The following SBK1 variants were observed in gnomAD, a reference collection of about 807,000 sequenced individuals.
SBK1 encodes SH3 domain binding kinase 1.
In SBK1, 11 loss-of-function variants were observed where a neutral mutation model predicts 24.4. The observed-to-expected ratio is 0.45, with a 90% CI of 0.28 to 0.75. The LOEUF (loss-of-function observed/expected upper bound fraction) is 0.75. Among genes scored for constraint, SBK1 ranks in the 30% least tolerant of loss-of-function variants. The pLI, the probability that SBK1 is intolerant of heterozygous loss-of-function variation, is 0.12. For synonymous variants in SBK1, 308 were observed against 284.4 expected (o/e 1.08, Z -0.83); for missense variants, 467 against 620.5 (o/e 0.75, Z 2.63).
At position 28,320,649 on chromosome 16, in the gene SBK1, G is replaced by T; in HGVS notation, c.1003G>T (p.Asp335Tyr). Residue 335 changes from aspartate to tyrosine, a missense_variant, in exon 4 of 4, where the codon GAC becomes TAC. This residue lies in a region of SBK1 where 166 missense variants were observed against 146.8 expected (regional missense o/e 1.13). Transcript: ENST00000341901. This position sits in a 1 kb window ranked among gnomAD's most constrained non-coding sequence, Gnocchi z 8.5. ...PSHRARKPPG[D>Y]RPPAAGPLRL... ...GCACCGCGCGCGCAAGCCCCCCGGGGACCGCCCGCCCGCCGCCGGGCCACT... is the reference window on the plus strand; with the variant it reads ...GCACCGCGCGCGCAAGCCCCCCGGGTACCGCCCGCCCGCCGCCGGGCCACT... The T allele has an allele frequency of 8.7e-7, 1 of 1,147,192 alleles. No individual in the cohort carries two copies. Among genetic ancestry groups the T allele is most frequent in the South Asian group, 3.9e-5 (1 of 25,728 alleles). 71.1% of individuals were successfully genotyped at this position (1,147,192 alleles called of 1,614,324 possible). A position where few individuals can be genotyped will look rare whatever the true frequency, so the allele number is the denominator to read the frequency against.
At chr16:28,272,488 T>C (rs1010431755) in intron 1 of SBK1, among the ~76,000 whole-genome samples, 2 of 152,204 alleles carry the variant, frequency 1.3e-5, no homozygotes, top group Non-Finnish European at 2.9e-5. Flanking sequence ...ATCTAGGAAT[T>C]AGACTTCTTT....
chr16:28,280,286 TAC>T (rs2044525521), intron 1 of SBK1, among the ~76,000 whole-genome samples: 1 of 144,274 alleles, frequency 6.9e-6, no homozygotes, highest in African/African-American at 2.5e-5. Context: ...TACATATGTA[TAC>T]ATATATATGC....
intron 1 of SBK1, among the ~76,000 whole-genome samples, chr16:28,276,013 C>T (rs999238682): frequency 1.3e-5 from 2 of 152,148 alleles, no homozygotes; most frequent in Admixed American, 6.5e-5. Flanking sequence ...CCCTGTAGCC[C>T]CTCAGGGGAA....
At chr16:28,293,334 G>A in intron 1 of SBK1, 34 bp downstream of exon 1, 1 of 967,418 alleles carries the variant, frequency 1.0e-6, no homozygotes, top group Non-Finnish European at 1.2e-6. Flanking sequence ...CGGCAGGTGA[G>A]TGGCCACCGA....
At chr16:28,296,170 C>T (rs189488312) in intron 1 of SBK1, among the ~76,000 whole-genome samples, 51 of 151,054 alleles carry the variant, frequency 3.4e-4, no homozygotes, top group African/African-American at 1.2e-3. Context: ...TCTCGGCTCG[C>T]TGCGACCTCC....
chr16:28,308,995 T>C (rs1355056053), intron 1 of SBK1, among the ~76,000 whole-genome samples: 3 of 151,860 alleles, frequency 2.0e-5, no homozygotes, highest in African/African-American at 4.8e-5. Flanking sequence ...TGAATTGGGG[T>C]AGTGCCAGCT....
In SBK1 at chr16:28,259,555, AC is replaced by A; in HGVS notation, c.257+56del. On this transcript the variant is annotated intron_variant, in intron 1 of 3. Transcript: ENST00000671413. This position sits in a 1 kb window ranked among gnomAD's most constrained non-coding sequence, Gnocchi z 6.0. ...GGGCAGCAGGTGGGCACAGCGCTCG[AC>A]CCAGGGTGCCTGTGGGCCTGGCAGT... The A allele has an allele frequency of 1.8e-6, 1 of 568,228 alleles. No individual in the cohort carries two copies. 35.2% of individuals were successfully genotyped at this position (568,228 alleles called of 1,614,324 possible).
At chr16:28,268,554 G>C (rs1346430793) in intron 1 of SBK1, among the ~76,000 whole-genome samples, 1 of 151,916 alleles carries the variant, frequency 6.6e-6, no homozygotes, top group Non-Finnish European at 1.5e-5. Context: ...CCTGAGGTCA[G>C]GAGTTCGAGA....
Position 28,292,866 on chromosome 16 carries a change from G to C in SBK1, c.-442G>C. 1.0e-6 allele frequency: 1 copy of C among 984,004 alleles called. No individual in the cohort carries two copies. The highest frequency in any genetic ancestry group is 1.2e-6 in the Non-Finnish European group (1 of 828,648). The allele number at this position is 984,004 out of a possible 1,614,324, so 61.0% of individuals were successfully genotyped here. ...GCGGAGACTTCCTCGGTATTTAGAA[G>C]ACAGCAAGCCCCCTACGGCACCGCA... On this transcript the variant is annotated 5_prime_UTR_variant, in exon 1 of 4. Coordinates refer to ENST00000341901, the MANE Select transcript of SBK1 (RefSeq NM_001024401.3).
At chr16:28,289,731 C>A (rs1057405719), upstream of SBK1, among the ~76,000 whole-genome samples, 3 of 150,972 alleles carry the variant, frequency 2.0e-5, no homozygotes, top group African/African-American at 7.3e-5. Context: ...TGTGCCATTG[C>A]ACTCCAGCCT....
upstream of SBK1, among the ~76,000 whole-genome samples, chr16:28,289,984 G>A (rs964128264): frequency 6.6e-6 from 1 of 151,932 alleles, no homozygotes; most frequent in Non-Finnish European, 1.5e-5. Context: ...TACTTAGGGG[G>A]CTGAGGTGGG....
upstream of SBK1, among the ~76,000 whole-genome samples, chr16:28,290,085 CAAAAA>C (rs34970334): frequency 9.7e-6 from 1 of 102,724 alleles, no homozygotes; most frequent in African/African-American, 3.3e-5. Flanking sequence ...GACCCTGTCT[CAAAAA>C]AAAAAAAAAA....
intron 1 of SBK1, among the ~76,000 whole-genome samples, chr16:28,279,585 T>C (rs2044517036): frequency 6.6e-6 from 1 of 152,148 alleles, no homozygotes; most frequent in Admixed American, 6.5e-5. Flanking sequence ...TCGAAAACTG[T>C]CAGTGCTCCA....
chr16:28,259,401 C>T lies in SBK1; in HGVS notation c.156C>T (p.Ala52=). ...GCCCTGTCCTGGAGCTGCCTCCGGC[C>T]TGGCCCATGGGCTGCGGAGTCGATG... Residue 52 remains alanine, a synonymous_variant, in exon 1 of 4, where the codon GCC becomes GCT. Transcript: ENST00000671413. The surrounding 1 kb of genome is among the most constrained non-coding windows in gnomAD (Gnocchi z 6.0). 3 of 982,678 alleles carry T rather than the reference C, an allele frequency of 3.1e-6. No individual in the cohort carries two copies. The highest frequency in any genetic ancestry group is 3.6e-6 in the Non-Finnish European group (3 of 827,390). 60.9% of individuals were successfully genotyped at this position (982,678 alleles called of 1,614,324 possible).
chr16:28,289,648 T>G (rs577092115), upstream of SBK1, among the ~76,000 whole-genome samples: 4 of 151,254 alleles, frequency 2.6e-5, no homozygotes, highest in East Asian at 3.9e-4. Flanking sequence ...ACACCTGTAA[T>G]CCCAACTACT....
intron 1 of SBK1, among the ~76,000 whole-genome samples, chr16:28,295,568 T>A (rs2044632779): frequency 6.6e-6 from 1 of 152,092 alleles, no homozygotes; most frequent in Non-Finnish European, 1.5e-5. Context: ...ACCAGGTTTG[T>A]CTTGTCCATA....
At position 28,259,447 on chromosome 16, in the gene SBK1, G is replaced by A. The variant is rs868763690; in HGVS notation, c.202G>A (p.Val68Ile). 1.1e-5 allele frequency: 11 copies of A among 985,948 alleles called. No homozygotes were observed. In the African/African-American group the frequency reaches 1.2e-4, roughly 11 times the overall value. The allele number at this position is 985,948 out of a possible 1,614,324, so 61.1% of individuals were successfully genotyped here. A position where few individuals can be genotyped will look rare whatever the true frequency, so the allele number is the denominator to read the frequency against. The change falls in exon 1 of 4, where the codon GTC becomes ATC. Residue 68 changes from valine (V) to isoleucine (I), a missense_variant. By Grantham distance (29) the Val-to-Ile change is conservative (BLOSUM62 3). Coordinates refer to the SBK1 transcript ENST00000671413. The surrounding 1 kb of genome is among the most constrained non-coding windows in gnomAD (Gnocchi z 6.0). Reference sequence around the variant, plus strand: ...CGATGATGTGCCGGCCTTCTGCTTCGTCTGCTTCCACAGGGAGGAGGAAGA... The same window carrying A: ...CGATGATGTGCCGGCCTTCTGCTTCATCTGCTTCCACAGGGAGGAGGAAGA...
At chr16:28,278,074 G>A (rs2044505799) in intron 1 of SBK1, among the ~76,000 whole-genome samples, 1 of 152,266 alleles carries the variant, frequency 6.6e-6, no homozygotes, top group Non-Finnish European at 1.5e-5. Context: ...GACCTTCTAA[G>A]GTGGTGTGAG....
intron 1 of SBK1, among the ~76,000 whole-genome samples, chr16:28,274,776 C>T (rs771623296): frequency 1.3e-5 from 2 of 151,996 alleles, no homozygotes; most frequent in East Asian, 3.9e-4. Context: ...CTGTAAATAA[C>T]GTTTCCACAA....
Sources: allele counts gnomAD v4.1 joint callset (sites outside exome capture counted in the v4.1 genomes callset), GRCh38; gene constraint gnomAD v4.1.1; regional missense constraint gnomAD v4.1.1; non-coding constraint Gnocchi (gnomAD v3.1); transcripts MANE v1.5; gene names NCBI Gene and HGNC (gene_info 2026-07-23, HGNC 2026-07-21).